The following NPIPB15 variants were observed in gnomAD, a reference collection of about 807,000 sequenced individuals.
The protein encoded by NPIPB15 is nuclear pore complex interacting protein family member B15, also known as nuclear pore complex-interacting protein family member B15.
NPIPB15 carries 5 observed loss-of-function variants against 35.9 expected under a neutral mutation model. The observed-to-expected ratio is 0.14, with a 90% CI of 0.07 to 0.29. The LOEUF (loss-of-function observed/expected upper bound fraction) is 0.29. NPIPB15 is among the 10% of genes least tolerant of loss of function. The pLI is 1.00. For missense variants in NPIPB15, 100 were observed against 506.1 expected, an observed-to-expected ratio of 0.20 and a Z score of 7.70; for synonymous variants, 43 against 182.0, an observed-to-expected ratio of 0.24 and a Z score of 6.15.
chr16:74,382,946 C>T (rs1170535933), intron 3 of NPIPB15, among the ~76,000 whole-genome samples: 13 of 120,464 alleles, frequency 1.1e-4, no homozygotes, highest in South Asian at 1.0e-3. Flanking sequence ...ACCCCCGAAA[C>T]GAGTCTCCCT....
chr16:74,384,622 C>T lies in NPIPB15; in HGVS notation c.250-720C>T, dbSNP rs1471645080. Among the ~76,000 whole-genome samples, 4 of 146,022 alleles carry T rather than the reference C, an allele frequency of 2.7e-5. No homozygotes were observed. The East Asian group carries it at 8.7e-4, about 32-fold the overall frequency. ...GACCTTGTGATTCACCCGCCTCAGCCTCCCAAAGTGCTGGGATTACAGGCG... is the reference window on the plus strand; with the variant it reads ...GACCTTGTGATTCACCCGCCTCAGCTTCCCAAAGTGCTGGGATTACAGGCG... On this transcript the variant is annotated intron_variant, in intron 3 of 7. Transcript: ENST00000692376.
chr16:74,391,286 G>C (rs1303318372), intron 7 of NPIPB15, 105 bp from the exon 8 acceptor site: 2 of 1,548,586 alleles, frequency 1.3e-6, no homozygotes, highest in East Asian at 4.8e-5. Context: ...ATGGAAAGGT[G>C]CAAAAATCTA....
intron 5 of NPIPB15, among the ~76,000 whole-genome samples, chr16:74,389,477 A>T (rs2012437246): frequency 1.4e-5 from 2 of 147,250 alleles, no homozygotes; most frequent in South Asian, 4.4e-4. Context: ...GGTTCAAGTG[A>T]TTCCCCTGCC....
At chr16:74,382,923 TTTTTC>T (rs2012071587) in intron 3 of NPIPB15, among the ~76,000 whole-genome samples, 1 of 148,890 alleles carries the variant, frequency 6.7e-6, no homozygotes, top group Admixed American at 6.9e-5. Context: ...TTTTTTTTTT[TTTTTC>T]TTTTCTCACC....
At chr16:74,387,382 C>T (rs1399988346) in intron 5 of NPIPB15, among the ~76,000 whole-genome samples, 14 of 149,398 alleles carry the variant, frequency 9.4e-5, no homozygotes, top group Middle Eastern at 3.4e-3. Context: ...GGCTGACTTT[C>T]GTCCTGGGTT....
chr16:74,389,358 G>A (rs544062415), intron 5 of NPIPB15, among the ~76,000 whole-genome samples: 150 of 150,100 alleles, frequency 1.0e-3, no homozygotes, highest in South Asian at 4.8e-3. Context: ...GGATCAGACC[G>A]TACAGTTTTT....
At position 74,390,896 on chromosome 16, in the gene NPIPB15, G is replaced by A. The variant is rs1256185129; in HGVS notation, c.643-495G>A. On this transcript the variant is annotated intron_variant, in intron 7 of 7. Transcript: ENST00000692376. ...TGACCTTGCAGAGTCCTGAGAATCAGAGACAGAACATAAAAGGCCTGGAAA... is the reference window on the plus strand; with the variant it reads ...TGACCTTGCAGAGTCCTGAGAATCAAAGACAGAACATAAAAGGCCTGGAAA... 8.9e-6 allele frequency: 8 copies of A among 897,134 alleles called. No homozygotes were observed. In the South Asian group the frequency reaches 3.1e-4, roughly 35 times the overall value. 55.6% of individuals were successfully genotyped at this position (897,134 alleles called of 1,614,324 possible). A position where few individuals can be genotyped will look rare whatever the true frequency, so the allele number is the denominator to read the frequency against.
chr16:74,378,199 C>T (rs1224000287), intron 2 of NPIPB15, among the ~76,000 whole-genome samples, 160 bp downstream of exon 2: 75 of 151,274 alleles, frequency 5.0e-4, no homozygotes, highest in African/African-American at 1.7e-3. Context: ...GGCATCATGG[C>T]GAAACCCCAT....
chr16:74,378,664 G>T (rs111527526), intron 2 of NPIPB15, among the ~76,000 whole-genome samples: 1 of 150,558 alleles, frequency 6.6e-6, no homozygotes, highest in Admixed American at 6.6e-5. Flanking sequence ...CGCCTGCCTC[G>T]GCCTCCCAGT....
chr16:74,377,506 G>T (rs1383554939), intron 1 of NPIPB15, among the ~76,000 whole-genome samples, 160 bp downstream of exon 1: 2 of 152,088 alleles, frequency 1.3e-5, no homozygotes, highest in African/African-American at 4.8e-5. Flanking sequence ...TAAAGCCCCA[G>T]GGTTGCTAAG....
chr16:74,378,493 C>T (rs1474739307), intron 2 of NPIPB15, among the ~76,000 whole-genome samples: 1 of 124,974 alleles, frequency 8.0e-6, no homozygotes, highest in Non-Finnish European at 1.6e-5. Context: ...GTGGCAAGAT[C>T]TCGGCTCACT....
intron 5 of NPIPB15, chr16:74,388,052 G>A (rs1480064511): frequency 1.1e-6 from 1 of 939,154 alleles, no homozygotes. Flanking sequence ...TGACTTAGGA[G>A]CCATTCCGAT....
intron 2 of NPIPB15, among the ~76,000 whole-genome samples, chr16:74,381,056 T>C (rs1344542581): frequency 7.2e-6 from 1 of 139,474 alleles, no homozygotes; most frequent in African/African-American, 2.7e-5. Flanking sequence ...GGGAGGAGAA[T>C]GGCTTGAGCC....
At chr16:74,377,699 A>G (rs1159261443) in intron 1 of NPIPB15, among the ~76,000 whole-genome samples, 2 of 147,856 alleles carry the variant, frequency 1.4e-5, no homozygotes, top group East Asian at 2.0e-4. Context: ...CCTTTCCCAG[A>G]CCCCTTTCTT....
intron 3 of NPIPB15, among the ~76,000 whole-genome samples, chr16:74,382,906 C>CAT (rs1439209918): frequency 1.0e-4 from 12 of 115,916 alleles, no homozygotes; most frequent in Non-Finnish European, 1.7e-4. Flanking sequence ...TTGGAGGAAG[C>CAT]TTTTTTTTTT....
intron 2 of NPIPB15, among the ~76,000 whole-genome samples, chr16:74,380,222 A>C (rs775242466): frequency 2.0e-3 from 307 of 151,802 alleles, no homozygotes; most frequent in Non-Finnish European, 3.5e-3. Flanking sequence ...AGCCTGGCCA[A>C]GATGGTGAAA....
intron 2 of NPIPB15, among the ~76,000 whole-genome samples, chr16:74,379,274 C>T (rs573450033): frequency 2.0e-5 from 3 of 152,102 alleles, no homozygotes; most frequent in Non-Finnish European, 4.4e-5. Flanking sequence ...TTTCTGAAAT[C>T]ATTACCGTTG....
chr16:74,391,088 T>C, intron 7 of NPIPB15: 2 of 948,976 alleles, frequency 2.1e-6, no homozygotes. Flanking sequence ...ACATGCCTCT[T>C]TATTACTCTG....
In NPIPB15 at chr16:74,387,359, A is replaced by G. The variant is rs4087823; in HGVS notation, c.545+1610A>G. On this transcript the variant is annotated intron_variant, in intron 5 of 7. Coordinates refer to ENST00000692376, the MANE Select transcript of NPIPB15 (RefSeq NM_001306094.2). ...TCAGCAATGAAACTCAGGGAAATGG[A>G]TTCCAAATGCGAGGCTGACTTTCGT... Among the ~76,000 whole-genome samples, 1,315 of 136,744 alleles carry G rather than the reference A, an allele frequency of 9.6e-3. 25 individuals are homozygous for G. The highest frequency in any genetic ancestry group is 0.038 in the Admixed American group (450 of 11,980). 89.7% of individuals were successfully genotyped at this position (136,744 alleles called of 152,430 possible). A position where few individuals can be genotyped will look rare whatever the true frequency, so the allele number is the denominator to read the frequency against.
Sources: allele counts gnomAD v4.1 joint callset (sites outside exome capture counted in the v4.1 genomes callset), GRCh38; gene constraint gnomAD v4.1.1; transcripts MANE v1.5; gene names NCBI Gene and HGNC (gene_info 2026-07-23, HGNC 2026-07-21).